The following KCNN2 variants were observed in gnomAD, a reference collection of about 807,000 sequenced individuals.
KCNN2 encodes the protein potassium calcium-activated channel subfamily N member 2.
Under a neutral mutation model 55.5 loss-of-function variants are expected in KCNN2, and 24 were observed. The observed-to-expected ratio is 0.43, with a 90% CI of 0.31 to 0.61. The LOEUF is 0.61. Ranked by LOEUF, KCNN2 falls within the 20% of genes least tolerant of loss-of-function variation. The probability of loss-of-function intolerance (pLI) is 0.08; values close to 1 mark genes in which losing one functional copy is unlikely to be tolerated. For synonymous variants in KCNN2, 431 were observed against 336.1 expected, an observed-to-expected ratio of 1.28 and a Z score of -3.09; for missense variants, 754 against 853.6, an observed-to-expected ratio of 0.88 and a Z score of 1.45.
At chr5:114,297,548 A>G (rs1216150839) in intron 2 of KCNN2, among the ~76,000 whole-genome samples, 1 of 152,128 alleles carries the variant, frequency 6.6e-6, no homozygotes, top group Admixed American at 6.5e-5. Flanking sequence ...GTAATTTGCA[A>G]TATAACTCAA....
rs1306774921 is a variant in KCNN2 at position 114,190,503 on chromosome 5, T to C, written c.-270-30977T>C. 2.0e-5 allele frequency among the ~76,000 whole-genome samples: 3 copies of C among 152,280 alleles called. No homozygotes were observed. In the East Asian group the frequency reaches 5.8e-4, roughly 29 times the overall value. On this transcript the variant is annotated intron_variant, in intron 1 of 10. Coordinates refer to the KCNN2 transcript ENST00000512097. ...GTGTAATGCCATTTATTTACATTCA[T>C]AAGCACAAAAACTAGTATATTGTTT...
At chr5:114,442,209 A>G (rs763239851) in intron 3 of KCNN2, among the ~76,000 whole-genome samples, 2 of 151,612 alleles carry the variant, frequency 1.3e-5, no homozygotes, top group Non-Finnish European at 2.9e-5. Flanking sequence ...CATCCCTCTC[A>G]GTGCATCACC....
At chr5:114,277,645 G>T (rs2150011273) in intron 2 of KCNN2, among the ~76,000 whole-genome samples, 1 of 152,120 alleles carries the variant, frequency 6.6e-6, no homozygotes, top group East Asian at 1.9e-4. Flanking sequence ...TGAAGCTTGT[G>T]CATGCTTCAC....
chr5:114,330,933 G>A (rs983429805), intron 2 of KCNN2, among the ~76,000 whole-genome samples: 2 of 152,200 alleles, frequency 1.3e-5, no homozygotes, highest in Admixed American at 1.3e-4. Flanking sequence ...TTATTAAGTA[G>A]ATGGCAAAGT....
At position 114,362,783 on chromosome 5, in the gene KCNN2, G is replaced by C. The variant is rs770301791; in HGVS notation, c.644G>C (p.Ser215Thr). The C allele has an allele frequency of 1.3e-5, 20 of 1,590,554 alleles. No individual in the cohort carries two copies. Among genetic ancestry groups the C allele is most frequent in the Middle Eastern group, 1.7e-4 (1 of 6,024 alleles). ...SNPFTEIAMS[S>T]CRYNGGVMRP... ...CCCTTCACCGAAATAGCCATGAGCAGCTGCAGGTACAACGGGGGCGTCATG... is the reference window on the plus strand; with the variant it reads ...CCCTTCACCGAAATAGCCATGAGCACCTGCAGGTACAACGGGGGCGTCATG... Residue 215 changes from serine (S) to threonine (T), a missense_variant, in exon 1 of 8, where the codon AGC becomes ACC. Around this residue, in one of 4 missense-constraint regions of KCNN2, gnomAD observed 381 missense variants for 259.1 expected, o/e 1.47. Transcript: ENST00000673685.
Position 114,363,219 on chromosome 5 carries a change from C to T in KCNN2, c.1080C>T (p.Val360=), listed in dbSNP as rs1376970242. 6.2e-7 allele frequency: 1 copy of T among 1,613,130 alleles called. No individual in the cohort carries two copies. Among genetic ancestry groups the T allele is most frequent in the South Asian group, 1.1e-5 (1 of 91,036 alleles). ...ALIFGMFGIV[V]MVIETELSWG... ...TCTTCGGCATGTTCGGCATCGTGGT[C>T]ATGGTCATCGAGACCGAGCTGTCGT... Residue 360 remains valine (V), a synonymous_variant, in exon 1 of 8, where the codon GTC becomes GTT. Coordinates refer to ENST00000673685, the MANE Select transcript of KCNN2 (RefSeq NM_021614.4).
chr5:114,080,257 G>A (rs1218658708), intron 1 of KCNN2, among the ~76,000 whole-genome samples: 1 of 152,172 alleles, frequency 6.6e-6, no homozygotes, highest in Non-Finnish European at 1.5e-5. Context: ...CATTTAATTA[G>A]CAGTAGAACT....
intron 2 of KCNN2, among the ~76,000 whole-genome samples, chr5:114,306,427 A>T (rs936901543): frequency 2.0e-5 from 3 of 152,226 alleles, no homozygotes; most frequent in Non-Finnish European, 2.9e-5. Flanking sequence ...CAATTCTGGA[A>T]CATGACATTG....
chr5:114,080,435 G>A (rs759548463), intron 1 of KCNN2, among the ~76,000 whole-genome samples: 31 of 152,128 alleles, frequency 2.0e-4, no homozygotes, highest in Non-Finnish European at 1.6e-4. Flanking sequence ...AGATGTCTGC[G>A]TGGAAAGGTT....
chr5:114,103,866 G>A (rs1027595484), intron 1 of KCNN2, among the ~76,000 whole-genome samples: 9 of 152,108 alleles, frequency 5.9e-5, no homozygotes, highest in African/African-American at 1.9e-4. Flanking sequence ...TGTTCATCAG[G>A]GATATTGGCC....
chr5:114,142,094 T>C (rs1580550570), intron 1 of KCNN2, among the ~76,000 whole-genome samples: 1 of 152,200 alleles, frequency 6.6e-6, no homozygotes, highest in East Asian at 1.9e-4. Flanking sequence ...CAGTTCACTC[T>C]GATGGTAGTT....
chr5:114,370,461 A>G (rs1034942941), intron 2 of KCNN2, among the ~76,000 whole-genome samples: 1 of 152,140 alleles, frequency 6.6e-6, no homozygotes, highest in African/African-American at 2.4e-5. Context: ...AATTAATAAT[A>G]AACAAAATTT....
rs112852126 is a variant in KCNN2, at chr5:114,419,431, C to G, written c.1637+14575C>G. Among the ~76,000 whole-genome samples the G allele has an allele frequency of 5.4e-4, 83 of 152,322 alleles. 1 individual carries two copies. Among genetic ancestry groups the G allele is most frequent in the African/African-American group, 1.9e-3 (79 of 41,576 alleles). On this transcript the variant is annotated intron_variant, in intron 3 of 7. Transcript: ENST00000673685. ...TGTTTTAAGCACAATGTGATATTTT[C>G]AATTACAAAGCATTTAAAAATTTTT... is the stretch of plus-strand genomic sequence containing the variant.
intron 2 of KCNN2, among the ~76,000 whole-genome samples, chr5:114,222,623 A>C (rs1245100010): frequency 1.3e-5 from 2 of 152,130 alleles, no homozygotes; most frequent in Non-Finnish European, 2.9e-5. Context: ...ATTCTTCCTC[A>C]ATTAAGCTGT....
chr5:114,258,350 T>G (rs537586501), intron 2 of KCNN2, among the ~76,000 whole-genome samples: 2 of 152,152 alleles, frequency 1.3e-5, no homozygotes, highest in Admixed American at 6.5e-5. Flanking sequence ...AGGGTGACAT[T>G]GGCTTCTAGA....
At chr5:114,284,470 T>C (rs1414293706) in intron 2 of KCNN2, among the ~76,000 whole-genome samples, 1 of 152,164 alleles carries the variant, frequency 6.6e-6, no homozygotes. Flanking sequence ...GCTACTCACA[T>C]AACAAACTAA....
chr5:114,412,184 C>T (rs571182466), intron 3 of KCNN2, among the ~76,000 whole-genome samples: 3 of 152,172 alleles, frequency 2.0e-5, no homozygotes, highest in African/African-American at 7.2e-5. Flanking sequence ...ATTTGGGGTC[C>T]CACTTGCATA....
intron 2 of KCNN2, among the ~76,000 whole-genome samples, chr5:114,250,714 A>G (rs748717644): frequency 7.9e-5 from 12 of 152,208 alleles, no homozygotes; most frequent in South Asian, 2.1e-4. Context: ...TGCACAAGCA[A>G]GATTCAGAGT....
At chr5:114,164,803 A>G (rs1418666329) in intron 1 of KCNN2, among the ~76,000 whole-genome samples, 1 of 152,206 alleles carries the variant, frequency 6.6e-6, no homozygotes, top group Non-Finnish European at 1.5e-5. Context: ...CATAATTGTA[A>G]TTAAATAAAT....
Sources: gnomAD v4.1 joint callset for allele counts (sites outside exome capture counted in the v4.1 genomes callset) on GRCh38, gnomAD v4.1.1 for gene constraint, gnomAD v4.1.1 regional missense constraint, MANE v1.5 for transcripts, NCBI Gene and HGNC (gene_info 2026-07-23, HGNC 2026-07-21) for gene names.